PRSS23: variants seen among roughly 807,000 people sequenced by gnomAD.
The protein encoded by PRSS23 is serine protease 23.
In PRSS23, 25 loss-of-function variants were observed where a neutral mutation model predicts 34.7. That is an observed-to-expected ratio of 0.72 (90% CI 0.53 to 1.01). The LOEUF is 1.01. Ranked by LOEUF, PRSS23 falls within the 50% of genes least tolerant of loss-of-function variation. The pLI is 0.00. For missense variants in PRSS23, 445 were observed against 475.6 expected, an observed-to-expected ratio of 0.94 and a Z score of 0.60; for synonymous variants, 176 against 186.6, an observed-to-expected ratio of 0.94 and a Z score of 0.46.
rs184568382 is a variant in PRSS23 at position 86,800,626 on chromosome 11, C to G, written c.-39C>G. The G allele has an allele frequency of 3.7e-4, 362 of 985,116 alleles. 4 individuals are homozygous for G. In the African/African-American group the frequency reaches 5.7e-3, roughly 16 times the overall value. The allele number at this position is 985,116 out of a possible 1,614,324, so 61.0% of individuals were successfully genotyped here. A position where few individuals can be genotyped will look rare whatever the true frequency, so the allele number is the denominator to read the frequency against. On this transcript the variant is annotated 5_prime_UTR_variant, in exon 1 of 2. Transcript: ENST00000280258. ...CCTGTCTGAGCGGCGCAGCGAGCCG[C>G]GGCCCGGGCGGGCTGCTCGGCGCGG...
intron 2 of PRSS23, among the ~76,000 whole-genome samples, chr11:86,896,836 C>T (rs1022956925): frequency 5.3e-5 from 8 of 152,230 alleles, no homozygotes; most frequent in Non-Finnish European, 1.2e-4. Context: ...AACATGCTAA[C>T]ACTTTCCTGC....
intron 2 of PRSS23, among the ~76,000 whole-genome samples, chr11:86,892,610 T>C (rs1380683801): frequency 6.6e-6 from 1 of 152,238 alleles, no homozygotes; most frequent in Admixed American, 6.5e-5. Flanking sequence ...CTCAGCTCTC[T>C]AGCTGTGTGA....
At position 86,951,433 on chromosome 11, in the gene PRSS23, T is replaced by C. The variant is rs368906165; in HGVS notation, c.*148T>C. 3 of 1,613,306 alleles carry C rather than the reference T, an allele frequency of 1.9e-6. No individual in the cohort carries two copies. In the African/African-American group the frequency reaches 4.0e-5, roughly 22 times the overall value. ...ACGTTGCAGGAACTGTGTACAGTACTGAGAACACCCCAATCTTGACCATCA... is the reference window on the plus strand; with the variant it reads ...ACGTTGCAGGAACTGTGTACAGTACCGAGAACACCCCAATCTTGACCATCA... On this transcript the variant is annotated 3_prime_UTR_variant, in exon 3 of 3. Transcript: ENST00000533902.
At chr11:86,913,274 C>CAAA (rs201233084) in intron 2 of PRSS23, among the ~76,000 whole-genome samples, 763 of 61,096 alleles carry the variant, frequency 0.012, 15 homozygotes, top group African/African-American at 0.031. Flanking sequence ...TGCCCTCAGG[C>CAAA]AAAAAAAAAA....
chr11:86,795,683 G>C (rs200872065), upstream of PRSS23, among the ~76,000 whole-genome samples: 13 of 152,324 alleles, frequency 8.5e-5, no homozygotes, highest in East Asian at 1.9e-3. Context: ...GACACATTTA[G>C]AATGCCCCAC....
At chr11:86,881,455 T>A (rs1447215838) in intron 2 of PRSS23, among the ~76,000 whole-genome samples, 1 of 152,084 alleles carries the variant, frequency 6.6e-6, no homozygotes, top group Non-Finnish European at 1.5e-5. Context: ...TCCCACTTAG[T>A]CTTGGTGTAT....
intron 2 of PRSS23, among the ~76,000 whole-genome samples, chr11:86,914,932 G>T (rs895027304): frequency 6.6e-6 from 1 of 152,172 alleles, no homozygotes; most frequent in African/African-American, 2.4e-5. Flanking sequence ...TACAAATGGG[G>T]CACAAATAAC....
chr11:86,808,233 C>T lies in PRSS23; in HGVS notation c.590C>T (p.Pro197Leu), dbSNP rs2135600148. The T allele has an allele frequency of 6.2e-7, 1 of 1,614,084 alleles. No homozygotes were observed. ...TQKLRVGFLK[P>L]KFKDGGRGAN... Reference sequence around the variant, plus strand: ...AAGCTTCGAGTGGGCTTCCTAAAGCCCAAGTTTAAAGATGGTGGTCGAGGG... The same window carrying T: ...AAGCTTCGAGTGGGCTTCCTAAAGCTCAAGTTTAAAGATGGTGGTCGAGGG... Residue 197 changes from proline to leucine, a missense_variant, in exon 2 of 2, where the codon CCC becomes CTC. Coordinates refer to ENST00000280258, the MANE Select transcript of PRSS23 (RefSeq NM_007173.6).
chr11:86,930,624 T>C (rs1949117845), intron 2 of PRSS23, among the ~76,000 whole-genome samples: 1 of 152,054 alleles, frequency 6.6e-6, no homozygotes, highest in African/African-American at 2.4e-5. Context: ...ACCCCGTCTC[T>C]ACTAAAAATA....
intron 1 of PRSS23, among the ~76,000 whole-genome samples, chr11:86,792,463 C>T (rs1262139079): frequency 6.6e-6 from 1 of 152,154 alleles, no homozygotes; most frequent in Non-Finnish European, 1.5e-5. Flanking sequence ...CCTGTCTTCA[C>T]CTCCATAAGT....
intron 2 of PRSS23, among the ~76,000 whole-genome samples, chr11:86,923,032 T>C (rs555576899): frequency 2.6e-5 from 4 of 152,306 alleles, no homozygotes; most frequent in African/African-American, 9.6e-5. Context: ...AAATATTTCA[T>C]TATTAATTTT....
In PRSS23 at chr11:86,808,103, G is replaced by A. The variant is rs528227560; in HGVS notation, c.460G>A (p.Val154Met). Residue 154 changes from valine (V) to methionine (M), a missense_variant, in exon 2 of 2, where the codon GTG becomes ATG. Val to Met is a conservative substitution (Grantham distance 21, BLOSUM62 1). Coordinates refer to ENST00000280258, the MANE Select transcript of PRSS23 (RefSeq NM_007173.6). ...GCTCAACTACCCTTTCTCAACATCA[G>A]TGAAGTTATCCACGGGCTGCACCGG... ...FLLNYPFSTS[V>M]KLSTGCTGTL... The A allele has an allele frequency of 1.2e-6, 2 of 1,614,046 alleles. No homozygotes were observed. Among genetic ancestry groups the A allele is most frequent in the Admixed American group, 1.7e-5 (1 of 60,002 alleles).
intron 1 of PRSS23, 61 bp from the exon 2 acceptor site, chr11:86,807,570 G>A: frequency 7.1e-7 from 1 of 1,417,192 alleles, no homozygotes; most frequent in Non-Finnish European, 9.6e-7. Context: ...GAGCTTTGCT[G>A]TCTGCAGTAA....
chr11:86,927,674 CT>C lies in PRSS23; in HGVS notation c.207-23538del, dbSNP rs770126238. Among the ~76,000 whole-genome samples, 132 of 152,234 alleles carry C rather than the reference CT, an allele frequency of 8.7e-4. 2 individuals are homozygous for C. Among genetic ancestry groups the C allele is most frequent in the Non-Finnish European group, 1.1e-3 (72 of 68,016 alleles). On this transcript the variant is annotated intron_variant, in intron 2 of 2. Transcript: ENST00000533902. ...ACCTTCTAATTTTTAGTGACATCTT[CT>C]TTTCCTTTCTCCTTCTGAACTACCC... is the stretch of plus-strand genomic sequence containing the variant.
chr11:86,808,688 A>C lies in PRSS23; in HGVS notation c.1045A>C (p.Asn349His), dbSNP rs770125849. 16 of 1,614,096 alleles carry C rather than the reference A, an allele frequency of 9.9e-6. No homozygotes were observed. The highest frequency in any genetic ancestry group is 1.4e-5 in the Non-Finnish European group (16 of 1,180,020). The change falls in exon 2 of 2, where the codon AAT becomes CAT. Residue 349 changes from asparagine (N) to histidine (H), a missense_variant. Transcript: ENST00000280258. ...IFSGHQWVDM[N>H]GSPQDFNVAV... ...TTCAGGGCACCAGTGGGTGGACATG[A>C]ATGGTTCCCCACAGGATTTCAACGT...
At chr11:86,830,304 G>A (rs1948342835) in intron 2 of PRSS23, among the ~76,000 whole-genome samples, 1 of 152,222 alleles carries the variant, frequency 6.6e-6, no homozygotes, top group South Asian at 2.1e-4. Flanking sequence ...CCAGGTGCGG[G>A]ATATAATCTC....
intron 2 of PRSS23, among the ~76,000 whole-genome samples, chr11:86,851,306 AGCCAGGGGCAGGGGCAAGGGAGAGAT>A (rs1264503138): frequency 2.0e-5 from 3 of 152,370 alleles, no homozygotes; most frequent in Non-Finnish European, 4.4e-5. Flanking sequence ...CTGTAAGGAA[AGCCAGGGGCAGGGGCAAGGGAGAGAT>A]GCCCCTTGAA....
chr11:86,800,323 CG>C, upstream of PRSS23: 1 of 462,156 alleles, frequency 2.2e-6, no homozygotes, highest in African/African-American at 2.1e-5. Flanking sequence ...GCCGCGCCAC[CG>C]GGGCCCACCT....
At chr11:86,800,522 C>G (rs919504908), upstream of PRSS23, 38 of 984,402 alleles carry the variant, frequency 3.9e-5, no homozygotes. Flanking sequence ...CAGCTGCCTG[C>G]GCTGCTCGCC....
Sources: gnomAD v4.1 joint callset for allele counts (sites outside exome capture counted in the v4.1 genomes callset) on GRCh38, gnomAD v4.1.1 for gene constraint, MANE v1.5 for transcripts, NCBI Gene and HGNC (gene_info 2026-07-23, HGNC 2026-07-21) for gene names.